Variants in TACC2 observed in about 807,000 individuals in gnomAD.
TACC2 encodes transforming acidic coiled-coil-containing protein 2.
TACC2 carries 137 observed loss-of-function variants against 227.3 expected under a neutral mutation model. That is an observed-to-expected ratio of 0.60 (90% CI 0.52 to 0.69). The LOEUF (loss-of-function observed/expected upper bound fraction) is 0.69, where lower values mean the gene tolerates loss of function less well. Among genes scored for constraint, TACC2 ranks in the 30% least tolerant of loss-of-function variants. The pLI is 0.00. For missense variants in TACC2, 3,470 were observed against 3,694.4 expected (o/e 0.94, Z 1.57); for synonymous variants, 1,523 against 1,487.5 (o/e 1.02, Z -0.55).
At chr10:122,068,450 T>A (rs2077626996) in intron 3 of TACC2, among the ~76,000 whole-genome samples, 1 of 152,184 alleles carries the variant, frequency 6.6e-6, no homozygotes, top group South Asian at 2.1e-4. Context: ...TGCTCTGGGA[T>A]GCAGTTAAGT....
intron 1 of TACC2, among the ~76,000 whole-genome samples, chr10:122,003,716 C>T (rs139530098): frequency 0.01 from 1,572 of 151,756 alleles, 28 homozygotes; most frequent in African/African-American, 0.036. Context: ...AGTGCAATGG[C>T]GCGATCTGGG....
intron 1 of TACC2, among the ~76,000 whole-genome samples, chr10:122,005,545 C>T (rs540981384): frequency 7.3e-4 from 110 of 151,402 alleles, no homozygotes; most frequent in African/African-American, 2.1e-3. Context: ...CCACCACGCC[C>T]GGCTGATTTT....
chr10:122,102,934 A>G (rs1400012120), intron 5 of TACC2, among the ~76,000 whole-genome samples: 1 of 152,182 alleles, frequency 6.6e-6, no homozygotes, highest in Admixed American at 6.5e-5. Flanking sequence ...CTGAATTTTT[A>G]GGAGGCTTGA....
Position 122,151,294 on chromosome 10 carries a change from G to A in TACC2, c.5834+7588G>A, listed in dbSNP as rs144877473. 3.6e-3 allele frequency among the ~76,000 whole-genome samples: 550 copies of A among 152,324 alleles called. 4 individuals carry two copies. Among genetic ancestry groups the A allele is most frequent in the Admixed American group, 0.011 (166 of 15,302 alleles). On this transcript the variant is annotated intron_variant, in intron 7 of 22. Coordinates refer to ENST00000369005, the MANE Select transcript of TACC2 (RefSeq NM_206862.4). ...CACCTGACTCTGCCTGGAGAAGTTG[G>A]GAAGGCTTCCCAGAGGAGGCGGCAT...
chr10:122,237,375 A>G lies in TACC2; in HGVS notation c.8128-20A>G, dbSNP rs1372378040. 5 of 1,580,320 alleles carry G rather than the reference A, an allele frequency of 3.2e-6. No homozygotes were observed. The South Asian group carries it at 4.7e-5, about 15-fold the overall frequency. ...GATTAATGCTAACTGTTTTTTTTTT[A>G]ATTAAAAACGATTCCACAGAGAGAG... is the stretch of plus-strand genomic sequence containing the variant. On this transcript the variant is annotated intron_variant, in intron 16 of 22. Transcript: ENST00000369005.
intron 11 of TACC2, among the ~76,000 whole-genome samples, chr10:122,223,915 A>C (rs939898709): frequency 6.6e-6 from 1 of 152,158 alleles, no homozygotes. Context: ...ACAGAAGTCC[A>C]TTCTGGTCTT....
intron 15 of TACC2, 130 bp from the exon 16 acceptor site, chr10:122,230,221 C>A: frequency 1.4e-6 from 1 of 736,592 alleles, no homozygotes; most frequent in Admixed American, 1.8e-5. Context: ...GAGAGAAAGG[C>A]GGAGCGCGTG....
rs955841746 is a variant in TACC2 at position 122,163,868 on chromosome 10, T to G, written c.5834+20162T>G. On this transcript the variant is annotated intron_variant, in intron 7 of 22. Transcript: ENST00000369005. ...TCGCCCCGGCTCCCGGCTGCAGGAA[T>G]CGCGCCAGGACGCTGGCCCCGCTCG... 3 of 1,523,114 alleles carry G rather than the reference T, an allele frequency of 2.0e-6. No homozygotes were observed. The African/African-American group carries it at 4.2e-5, about 21-fold the overall frequency. 94.3% of individuals were successfully genotyped at this position (1,523,114 alleles called of 1,614,324 possible).
intron 7 of TACC2, among the ~76,000 whole-genome samples, chr10:122,186,493 T>G (rs1398077617): frequency 6.6e-6 from 1 of 152,018 alleles, no homozygotes; most frequent in Non-Finnish European, 1.5e-5. Flanking sequence ...ACTCAGTCTC[T>G]GGGGGGATAA....
chr10:122,237,581 T>C (rs766893774), intron 17 of TACC2, 43 bp downstream of exon 17: 26 of 1,585,630 alleles, frequency 1.6e-5, no homozygotes, highest in Admixed American at 3.5e-5. Context: ...CTGCCACTTA[T>C]AAATACGTAT....
chr10:122,085,046 C>T lies in TACC2; in HGVS notation c.2546C>T (p.Ala849Val), dbSNP rs1210280761. ...ATCTTTGACGTGCTCAAGGAGCAGG[C>T]CCAGCCACCTGAAAATGGGAAAGAG... ...TSIFDVLKEQAQPPENGKETS... is the reference protein window; with the variant it reads ...TSIFDVLKEQVQPPENGKETS... The change falls in exon 4 of 23, where the codon GCC becomes GTC. Residue 849 changes from alanine to valine, a missense_variant. By Grantham distance (64) the Ala-to-Val change is moderately conservative (BLOSUM62 0). Transcript: ENST00000369005. The T allele has an allele frequency of 6.2e-7, 1 of 1,614,196 alleles. No homozygotes were observed. The highest frequency in any genetic ancestry group is 8.5e-7 in the Non-Finnish European group (1 of 1,180,036).
At chr10:122,173,873 C>G (rs1185011130) in intron 7 of TACC2, among the ~76,000 whole-genome samples, 1 of 152,234 alleles carries the variant, frequency 6.6e-6, no homozygotes, top group Non-Finnish European at 1.5e-5. Flanking sequence ...GGGCACAGCT[C>G]TTACCCTCCA....
intron 3 of TACC2, among the ~76,000 whole-genome samples, chr10:122,063,145 A>G (rs1230475733): frequency 1.3e-5 from 2 of 152,238 alleles, no homozygotes; most frequent in Admixed American, 6.5e-5. Flanking sequence ...TAGTTTTCCT[A>G]TAAACAGGGT....
chr10:122,182,190 C>G (rs576163566), intron 7 of TACC2, among the ~76,000 whole-genome samples: 1 of 152,142 alleles, frequency 6.6e-6, no homozygotes, highest in Non-Finnish European at 1.5e-5. Context: ...TAGGGAGAAA[C>G]GCTGTGGGAG....
chr10:122,080,183 A>G (rs564346487), intron 3 of TACC2, among the ~76,000 whole-genome samples: 9 of 146,702 alleles, frequency 6.1e-5, no homozygotes, highest in Admixed American at 3.4e-4. Context: ...TCCTTTGTGT[A>G]TCTGCATTCC....
At chr10:122,160,894 G>A (rs1156439891) in intron 7 of TACC2, among the ~76,000 whole-genome samples, 1 of 152,112 alleles carries the variant, frequency 6.6e-6, no homozygotes, top group African/African-American at 2.4e-5. Flanking sequence ...ATCATACATG[G>A]GTTTTAGTTG....
At chr10:122,218,325 C>G (rs935391138) in intron 11 of TACC2, among the ~76,000 whole-genome samples, 3 of 152,154 alleles carry the variant, frequency 2.0e-5, no homozygotes, top group African/African-American at 7.2e-5. Context: ...CTTTTTGCTG[C>G]TAATAAGAGA....
At chr10:122,118,359 C>T (rs765661428) in intron 5 of TACC2, among the ~76,000 whole-genome samples, 2 of 152,130 alleles carry the variant, frequency 1.3e-5, no homozygotes, top group Non-Finnish European at 2.9e-5. Flanking sequence ...TTCATCCCAG[C>T]AACTTAGCTG....
intron 11 of TACC2, among the ~76,000 whole-genome samples, chr10:122,217,437 C>CT (rs35233150): frequency 0.015 from 1,357 of 93,200 alleles, 22 homozygotes; most frequent in African/African-American, 0.017. Context: ...TTTCTTTTTT[C>CT]TTTTTTTTTT....
Sources: allele counts gnomAD v4.1 joint callset (sites outside exome capture counted in the v4.1 genomes callset), GRCh38; gene constraint gnomAD v4.1.1; transcripts MANE v1.5; gene names NCBI Gene and HGNC (gene_info 2026-07-23, HGNC 2026-07-21).